Variants in UBE4B observed in about 807,000 individuals in gnomAD.
UBE4B encodes ubiquitin conjugation factor E4 B.
UBE4B carries 27 observed loss-of-function variants against 148.1 expected under a neutral mutation model. The observed-to-expected ratio is 0.18, with a 90% CI of 0.13 to 0.25. UBE4B has a LOEUF of 0.25. Ranked by LOEUF, UBE4B falls within the 10% of genes least tolerant of loss-of-function variation. UBE4B has a pLI of 1.00. For synonymous variants in UBE4B, 596 were observed against 619.3 expected (o/e 0.96, Z 0.56); for missense variants, 1,170 against 1,662.4 (o/e 0.70, Z 5.15).
chr1:10,046,985 C>T (rs1026443288), intron 1 of UBE4B, among the ~76,000 whole-genome samples: 2 of 152,162 alleles, frequency 1.3e-5, no homozygotes, highest in Non-Finnish European at 2.9e-5. Flanking sequence ...TCGACCAGTT[C>T]CCCTAGAATT....
chr1:10,070,108 C>G (rs574618327), intron 1 of UBE4B, among the ~76,000 whole-genome samples: 1 of 151,782 alleles, frequency 6.6e-6, no homozygotes, highest in Admixed American at 6.6e-5. Context: ...GATGCCATGT[C>G]TACAAAAAAT....
chr1:10,141,977 A>G (rs892114630), intron 17 of UBE4B, among the ~76,000 whole-genome samples: 8 of 152,170 alleles, frequency 5.3e-5, no homozygotes, highest in Admixed American at 4.6e-4. Context: ...TCCTTTAACA[A>G]CAGTCTTAGA....
chr1:10,146,890 G>A, intron 18 of UBE4B, 73 bp from the exon 19 acceptor site: 1 of 1,573,414 alleles, frequency 6.4e-7, no homozygotes. Flanking sequence ...CCTGGCCCCA[G>A]TCCCTGCCCA....
intron 1 of UBE4B, among the ~76,000 whole-genome samples, chr1:10,037,943 C>T (rs1014134946): frequency 2.6e-5 from 4 of 152,144 alleles, no homozygotes; most frequent in Non-Finnish European, 5.9e-5. Flanking sequence ...TGACCTAGTT[C>T]ATCTGCAAGA....
intron 7 of UBE4B, among the ~76,000 whole-genome samples, chr1:10,112,051 C>T (rs1352331024): frequency 6.6e-6 from 1 of 152,124 alleles, no homozygotes; most frequent in Non-Finnish European, 1.5e-5. Flanking sequence ...GAAACAGAGT[C>T]GCTTTAAGAG....
intron 17 of UBE4B, among the ~76,000 whole-genome samples, chr1:10,142,821 G>A (rs1645804816): frequency 6.6e-6 from 1 of 151,952 alleles, no homozygotes; most frequent in South Asian, 2.1e-4. Context: ...CAGCAACATA[G>A]TATCTTTAGA....
chr1:10,075,583 G>A (rs571389329), intron 2 of UBE4B, among the ~76,000 whole-genome samples: 1 of 152,274 alleles, frequency 6.6e-6, no homozygotes, highest in African/African-American at 2.4e-5. Context: ...TCTTGCCCGG[G>A]TACCTCTATG....
chr1:10,085,946 C>T (rs900277472), intron 2 of UBE4B, among the ~76,000 whole-genome samples: 5 of 151,812 alleles, frequency 3.3e-5, no homozygotes, highest in African/African-American at 4.8e-5. Context: ...CCCACCACCA[C>T]GCCCAGCTAA....
At chr1:10,134,216 G>C (rs1412963351) in intron 15 of UBE4B, among the ~76,000 whole-genome samples, 1 of 152,046 alleles carries the variant, frequency 6.6e-6, no homozygotes, top group African/African-American at 2.4e-5. Context: ...TTCAGTAAAA[G>C]AATGTATAAA....
chr1:10,048,282 T>A (rs983533039), intron 1 of UBE4B, among the ~76,000 whole-genome samples: 4 of 152,194 alleles, frequency 2.6e-5, no homozygotes. Flanking sequence ...AGGGAGACGT[T>A]ATCATCTGGT....
chr1:10,136,796 G>A (rs1349033263), intron 16 of UBE4B, among the ~76,000 whole-genome samples: 1 of 152,018 alleles, frequency 6.6e-6, no homozygotes, highest in African/African-American at 2.4e-5. Context: ...GCACACGCCT[G>A]TAATCCCAGC....
At chr1:10,062,887 C>T (rs1050050526) in intron 1 of UBE4B, among the ~76,000 whole-genome samples, 58 of 147,860 alleles carry the variant, frequency 3.9e-4, no homozygotes, top group African/African-American at 1.1e-3. Flanking sequence ...ACCTGGGAGG[C>T]GGAGGTTGCA....
chr1:10,171,297 G>T lies in UBE4B; in HGVS notation c.3493G>T (p.Ala1165Ser), dbSNP rs1011230836. ...LTDIYLQLDC[A>S]RFAKAIADDQ... Reference sequence around the variant, plus strand: ...GGATATTTACTTACAGCTGGACTGTGCTCGGTTCGCGAAAGCCATTGCTGA... The same window carrying T: ...GGATATTTACTTACAGCTGGACTGTTCTCGGTTCGCGAAAGCCATTGCTGA... The change falls in exon 25 of 28, where the codon GCT becomes TCT. Residue 1165 changes from alanine to serine, a missense_variant. By Grantham distance (99) the Ala-to-Ser change is moderately conservative (BLOSUM62 1). This residue lies in a region of UBE4B where 348 missense variants were observed against 627.2 expected (regional missense o/e 0.55). Coordinates refer to ENST00000343090, the MANE Select transcript of UBE4B (RefSeq NM_001105562.3). 5 of 1,613,964 alleles carry T rather than the reference G, an allele frequency of 3.1e-6. No individual in the cohort carries two copies. The highest frequency in any genetic ancestry group is 4.2e-6 in the Non-Finnish European group (5 of 1,179,938).
At chr1:10,105,439 C>A in intron 5 of UBE4B, 77 bp from the exon 6 acceptor site, 1 of 1,293,028 alleles carries the variant, frequency 7.7e-7, no homozygotes, top group Non-Finnish European at 1.1e-6. Context: ...CATTTGGGGT[C>A]AGCTGGCTTA....
chr1:10,076,776 C>T (rs1347567251), intron 2 of UBE4B, among the ~76,000 whole-genome samples: 4 of 105,866 alleles, frequency 3.8e-5, no homozygotes, highest in African/African-American at 1.1e-4. Flanking sequence ...GATGGAGTTT[C>T]GCTCTTGTCA....
chr1:10,121,497 A>C (rs192919145), intron 9 of UBE4B, among the ~76,000 whole-genome samples: 180 of 152,270 alleles, frequency 1.2e-3, no homozygotes, highest in Non-Finnish European at 2.5e-4. Flanking sequence ...GGGCTCAGGC[A>C]GTCCTCCTGC....
intron 1 of UBE4B, among the ~76,000 whole-genome samples, chr1:10,071,676 A>ATACGTATTTATG: frequency 7.1e-6 from 1 of 140,518 alleles, no homozygotes; most frequent in African/African-American, 2.5e-5. Context: ...CATACAGTAT[A>ATACGTATTTATG]TACGTATTTA....
At chr1:10,041,371 G>A (rs999313890) in intron 1 of UBE4B, among the ~76,000 whole-genome samples, 6 of 140,370 alleles carry the variant, frequency 4.3e-5, no homozygotes, top group African/African-American at 2.7e-5. Flanking sequence ...TTTCGCTCTC[G>A]TCACTCAGGC....
chr1:10,079,793 A>G (rs1557535476), intron 2 of UBE4B, among the ~76,000 whole-genome samples: 1 of 152,172 alleles, frequency 6.6e-6, no homozygotes, highest in Non-Finnish European at 1.5e-5. Flanking sequence ...TTTGGCTGCT[A>G]GTTTTTAACC....
Sources: gnomAD v4.1 joint callset for allele counts (sites outside exome capture counted in the v4.1 genomes callset) on GRCh38, gnomAD v4.1.1 for gene constraint, gnomAD v4.1.1 regional missense constraint, MANE v1.5 for transcripts, NCBI Gene and HGNC (gene_info 2026-07-23, HGNC 2026-07-21) for gene names.